TAF1B: variants seen among roughly 807,000 people sequenced by gnomAD.
The protein encoded by TAF1B is TATA box-binding protein-associated factor RNA polymerase I subunit B.
TAF1B carries 61 observed loss-of-function variants against 83.9 expected under a neutral mutation model. That is an observed-to-expected ratio of 0.73 (90% CI 0.59 to 0.90). The LOEUF (loss-of-function observed/expected upper bound fraction) is 0.90. Among genes scored for constraint, TAF1B ranks in the 40% least tolerant of loss-of-function variants. TAF1B has a pLI of 0.00. For missense variants in TAF1B, 625 were observed against 677.0 expected (o/e 0.92, Z 0.85); for synonymous variants, 221 against 224.6 (o/e 0.98, Z 0.14).
chr2:9,852,425 C>G (rs1236328866), intron 4 of TAF1B, among the ~76,000 whole-genome samples: 2 of 152,126 alleles, frequency 1.3e-5, no homozygotes, highest in Non-Finnish European at 2.9e-5. Flanking sequence ...GAGGTCCAGC[C>G]TAGTTGGGGA....
chr2:9,843,973 C>T (rs970950237), intron 1 of TAF1B, among the ~76,000 whole-genome samples: 1 of 151,842 alleles, frequency 6.6e-6, no homozygotes, highest in African/African-American at 2.4e-5. Context: ...TCGGTCTCTC[C>T]GGGAATCCTT....
intron 14 of TAF1B, among the ~76,000 whole-genome samples, chr2:9,932,514 A>C (rs976781709): frequency 1.5e-4 from 23 of 152,274 alleles, no homozygotes; most frequent in African/African-American, 5.1e-4. Flanking sequence ...CAGAACAGCA[A>C]ATATTGCTGC....
intron 8 of TAF1B, among the ~76,000 whole-genome samples, chr2:9,884,037 G>T (rs388695): frequency 0.28 from 42,436 of 152,164 alleles, 6,906 homozygotes; most frequent in Middle Eastern, 0.4. Context: ...GCCTGCCAAG[G>T]GCAAGTCAGG....
intron 5 of TAF1B, among the ~76,000 whole-genome samples, chr2:9,861,145 G>A (rs1286314310): frequency 1.3e-5 from 2 of 152,248 alleles, no homozygotes; most frequent in African/African-American, 2.4e-5. Flanking sequence ...GAAGCAGGGC[G>A]AGGCATCGCC....
intron 12 of TAF1B, among the ~76,000 whole-genome samples, chr2:9,913,946 C>A (rs919149599): frequency 6.6e-6 from 1 of 152,166 alleles, no homozygotes; most frequent in Non-Finnish European, 1.5e-5. Context: ...TGTAAATTTA[C>A]AGTAATACTA....
intron 8 of TAF1B, among the ~76,000 whole-genome samples, chr2:9,888,889 C>T (rs974292006): frequency 2.7e-5 from 4 of 146,226 alleles, no homozygotes; most frequent in Non-Finnish European, 6.0e-5. Context: ...CTGCAACCTT[C>T]GCTTCCTGGG....
Position 9,902,651 on chromosome 2 carries a change from A to G in TAF1B, c.808-2208A>G, listed in dbSNP as rs192312473. Among the ~76,000 whole-genome samples the G allele has an allele frequency of 2.0e-5, 3 of 152,320 alleles. No homozygotes were observed. The East Asian group carries it at 5.8e-4, about 29-fold the overall frequency. On this transcript the variant is annotated intron_variant, in intron 8 of 14. Transcript: ENST00000263663. ...TCTATTCTAGATACGTAATTTATGG[A>G]CATTTGAGTAATTTCCAGCTTAGAG...
intron 8 of TAF1B, 46 bp from the exon 9 acceptor site, chr2:9,904,813 T>A (rs1403499160): frequency 1.3e-6 from 2 of 1,561,926 alleles, no homozygotes; most frequent in Non-Finnish European, 1.7e-6. Context: ...TAAAAATAAG[T>A]TTTGTTGCAA....
At chr2:9,882,226 G>A (rs1182132394) in intron 7 of TAF1B, among the ~76,000 whole-genome samples, 3 of 151,886 alleles carry the variant, frequency 2.0e-5, no homozygotes, top group Admixed American at 2.0e-4. Flanking sequence ...TTAGCCTCCC[G>A]AGTAACTGGG....
chr2:9,919,663 A>G lies in TAF1B; in HGVS notation c.1408A>G (p.Lys470Glu). ...LVESTATAGK[K>E]SPSSFQFNWT... is the part of the protein sequence containing the mutation. ...CGAGTCAACAGCAACTGCTGGAAAA[A>G]AAAGCCCTTCAAGTTTTCAGTTCAA... The change falls in exon 14 of 15, where the codon AAA (lysine) becomes GAA (glutamate). Residue 470 changes from lysine (K) to glutamate (E), a missense_variant. Physicochemically the swap from Lys to Glu is moderately conservative, Grantham distance 56. Transcript: ENST00000263663. The G allele has an allele frequency of 1.2e-6, 2 of 1,614,222 alleles. No individual in the cohort carries two copies. The highest frequency in any genetic ancestry group is 1.7e-6 in the Non-Finnish European group (2 of 1,180,040).
intron 13 of TAF1B, 88 bp downstream of exon 13, chr2:9,919,199 G>T: frequency 8.6e-7 from 1 of 1,163,840 alleles, no homozygotes; most frequent in Non-Finnish European, 1.3e-6. Flanking sequence ...GAATGCTTAA[G>T]TTTTTTACTT....
intron 8 of TAF1B, among the ~76,000 whole-genome samples, chr2:9,904,523 T>G (rs776571750): frequency 2.6e-5 from 4 of 152,212 alleles, no homozygotes; most frequent in Non-Finnish European, 5.9e-5. Context: ...TTTAGGTTGA[T>G]TCCATGTCTT....
rs1482715780 is a variant in TAF1B, at chr2:9,880,918, A to AT, written c.708-1788_708-1787insT. On this transcript the variant is annotated intron_variant, in intron 7 of 14. Transcript: ENST00000263663. ...AATACAAATACTGATTACTGCACAT[A>AT]AATACTATCATATAAACGAAATATA... 5.2e-5 allele frequency among the ~76,000 whole-genome samples: 8 copies of AT among 152,382 alleles called. No homozygotes were observed. In the East Asian group the frequency reaches 1.3e-3, roughly 26 times the overall value.
rs1473913104 is a variant in TAF1B at position 9,905,697 on chromosome 2, A to G, written c.955+691A>G. Among the ~76,000 whole-genome samples the G allele has an allele frequency of 4.6e-5, 5 of 109,184 alleles. No individual in the cohort carries two copies. The South Asian group carries it at 1.2e-3, about 26-fold the overall frequency. 71.6% of individuals were successfully genotyped at this position (109,184 alleles called of 152,430 possible). A position where few individuals can be genotyped will look rare whatever the true frequency, so the allele number is the denominator to read the frequency against. On this transcript the variant is annotated intron_variant, in intron 9 of 14. Transcript: ENST00000263663. Reference sequence around the variant, plus strand: ...AATACAAACGTGGTGTGACTATACCATTGCTGAAGCATGTAAAAAATGTGA... The same window carrying G: ...AATACAAACGTGGTGTGACTATACCGTTGCTGAAGCATGTAAAAAATGTGA...
In TAF1B at chr2:9,868,377, GTCTGACA is replaced by G; in HGVS notation, c.504_510del (p.Asp169ThrfsTer37). The stretch of plus-strand genomic sequence containing the variant: ...TTCTTGAAAGTGGAGCGGAGTCTCA[GTCTGACA>G]TCCACACTCGAAAACCTTTCCCCGT... On this transcript the variant is annotated frameshift_variant, in exon 6 of 15. Coordinates refer to ENST00000263663, the MANE Select transcript of TAF1B (RefSeq NM_005680.3). LOFTEE classifies it high-confidence loss of function. The G allele has an allele frequency of 6.2e-7, 1 of 1,614,118 alleles. No individual in the cohort carries two copies. The highest frequency in any genetic ancestry group is 8.5e-7 in the Non-Finnish European group (1 of 1,179,994).
chr2:9,897,482 C>A (rs906481026), intron 8 of TAF1B, among the ~76,000 whole-genome samples: 4 of 152,182 alleles, frequency 2.6e-5, no homozygotes, highest in Non-Finnish European at 5.9e-5. Flanking sequence ...TGAAGTACAT[C>A]TCCAATATTT....
chr2:9,915,399 T>C (rs779051223), intron 12 of TAF1B, among the ~76,000 whole-genome samples: 12 of 152,062 alleles, frequency 7.9e-5, no homozygotes, highest in Non-Finnish European at 1.6e-4. Flanking sequence ...AAATCACATA[T>C]CCGTTTAAAG....
chr2:9,909,266 A>C (rs1229861772), intron 9 of TAF1B, among the ~76,000 whole-genome samples: 1 of 152,266 alleles, frequency 6.6e-6, no homozygotes, highest in African/African-American at 2.4e-5. Context: ...ACAGAAAGAT[A>C]AACCCTTAAC....
intron 6 of TAF1B, among the ~76,000 whole-genome samples, chr2:9,870,082 A>C (rs1483241780): frequency 6.6e-6 from 1 of 150,884 alleles, no homozygotes; most frequent in Non-Finnish European, 1.5e-5. Context: ...TCATTCTTTA[A>C]ATTTTTAAAA....
Sources: allele counts gnomAD v4.1 joint callset (sites outside exome capture counted in the v4.1 genomes callset), GRCh38; gene constraint gnomAD v4.1.1; transcripts MANE v1.5; gene names NCBI Gene and HGNC (gene_info 2026-07-23, HGNC 2026-07-21).